SNTB1: variants seen among roughly 807,000 people sequenced by gnomAD.
SNTB1 encodes beta-1-syntrophin.
SNTB1 carries 36 observed loss-of-function variants against 48.9 expected under a neutral mutation model. The ratio of observed to expected loss-of-function variants is 0.74; its 90% CI spans 0.56 to 0.97. The LOEUF is 0.97. Ranked by LOEUF, SNTB1 falls within the 50% of genes least tolerant of loss-of-function variation. The pLI, the probability that SNTB1 is intolerant of heterozygous loss-of-function variation, is 0.00. For synonymous variants in SNTB1, 299 were observed against 294.6 expected, an observed-to-expected ratio of 1.01 and a Z score of -0.15; for missense variants, 786 against 703.4, an observed-to-expected ratio of 1.12 and a Z score of -1.33.
rs185068595 is a variant in SNTB1, at chr8:120,772,990, C to T, written c.571+38283G>A. Among the ~76,000 whole-genome samples the T allele has an allele frequency of 7.9e-5, 12 of 152,220 alleles. 1 individual carries two copies. The highest frequency in any genetic ancestry group is 3.4e-3 in the Middle Eastern group (1 of 294). ...CACAGATCACAGGAGGGAGGTAGTC[C>T]AGTCCCCTATCATTTACATGTCAAC... On this transcript the variant is annotated intron_variant, in intron 1 of 6. Coordinates refer to ENST00000517992, the MANE Select transcript of SNTB1 (RefSeq NM_021021.4).
At chr8:120,739,638 G>A (rs1224140482) in intron 1 of SNTB1, among the ~76,000 whole-genome samples, 1 of 152,032 alleles carries the variant, frequency 6.6e-6, no homozygotes, top group African/African-American at 2.4e-5. Flanking sequence ...AAGGAGAAAG[G>A]GTCAGAAAAG....
In SNTB1 at chr8:120,693,818, C is replaced by T; in HGVS notation, c.662G>A (p.Arg221Gln). ...GWETPPPESP[R>Q]LGGSTSDPPS... is the part of the protein sequence containing the mutation. The stretch of plus-strand genomic sequence containing the variant: ...GGGGTCTGAGGTGCTGCCCCCTAAC[C>T]GAGGGGATTCAGGCGGAGGTGTTTC... The change falls in exon 2 of 7, where the codon CGG becomes CAG. Residue 221 changes from arginine (R) to glutamine (Q), a missense_variant. Transcript: ENST00000517992. 2.5e-6 allele frequency: 4 copies of T among 1,613,996 alleles called. No individual in the cohort carries two copies. The highest frequency in any genetic ancestry group is 1.7e-4 in the Middle Eastern group (1 of 6,060).
intron 3 of SNTB1, among the ~76,000 whole-genome samples, chr8:120,601,240 T>C (rs1248812645): frequency 6.7e-6 from 1 of 149,116 alleles, no homozygotes; most frequent in East Asian, 2.0e-4. Flanking sequence ...GGAGGGGGAG[T>C]GGTCAGCATA....
At chr8:120,755,473 G>A (rs544719855) in intron 1 of SNTB1, among the ~76,000 whole-genome samples, 3 of 152,064 alleles carry the variant, frequency 2.0e-5, no homozygotes, top group South Asian at 4.2e-4. Flanking sequence ...TGGAGGTTAT[G>A]GTAGACAGGT....
intron 1 of SNTB1, among the ~76,000 whole-genome samples, chr8:120,744,055 A>C (rs1473907103): frequency 6.6e-6 from 1 of 150,894 alleles, no homozygotes; most frequent in African/African-American, 2.4e-5. Context: ...GCTTGAGCCT[A>C]GGAGTTTGAG....
intron 1 of SNTB1, chr8:120,769,205 G>C (rs1485241008): frequency 6.6e-6 from 1 of 151,972 alleles, no homozygotes. Context: ...TGTGGCTTTT[G>C]GCACAGTTTT....
At chr8:120,719,970 T>A (rs1818631050) in intron 1 of SNTB1, among the ~76,000 whole-genome samples, 1 of 152,222 alleles carries the variant, frequency 6.6e-6, no homozygotes, top group African/African-American at 2.4e-5. Flanking sequence ...GTCTACATAG[T>A]TCAATTAAAA....
intron 3 of SNTB1, 30 bp from the exon 4 acceptor site, chr8:120,575,255 G>C: frequency 6.2e-7 from 1 of 1,613,876 alleles, no homozygotes; most frequent in Admixed American, 1.7e-5. Flanking sequence ...ACTGTCAAAT[G>C]ACAGCCTGAG....
At chr8:120,728,624 G>T (rs567780487) in intron 1 of SNTB1, among the ~76,000 whole-genome samples, 7 of 152,314 alleles carry the variant, frequency 4.6e-5, no homozygotes, top group African/African-American at 1.7e-4. Context: ...ATTCACTTAG[G>T]ATAATGGCCT....
chr8:120,677,731 T>G (rs1027399287), intron 2 of SNTB1, among the ~76,000 whole-genome samples: 1 of 152,194 alleles, frequency 6.6e-6, no homozygotes, highest in Non-Finnish European at 1.5e-5. Context: ...AGAGATACTA[T>G]CATCCTCATT....
At position 120,551,629 on chromosome 8, in the gene SNTB1, A is replaced by G. The variant is rs554790637; in HGVS notation, c.1137-2671T>C. Among the ~76,000 whole-genome samples the G allele has an allele frequency of 6.9e-3, 1,034 of 150,760 alleles. 12 individuals are homozygous for G. Among genetic ancestry groups the G allele is most frequent in the African/African-American group, 0.024 (971 of 40,976 alleles). ...TAATCCCAGCTACTTGGGAGGCTGA[A>G]GCAGGAGAATTGCTTGAACCCGGGA... On this transcript the variant is annotated intron_variant, in intron 4 of 6. Coordinates refer to ENST00000517992, the MANE Select transcript of SNTB1 (RefSeq NM_021021.4).
intron 2 of SNTB1, among the ~76,000 whole-genome samples, chr8:120,639,937 G>A (rs1483731400): frequency 1.3e-5 from 2 of 151,886 alleles, no homozygotes; most frequent in East Asian, 1.9e-4. Context: ...AGCTTGATGG[G>A]GATGGCATTG....
At chr8:120,783,402 A>AAT (rs1162323736) in intron 1 of SNTB1, among the ~76,000 whole-genome samples, 1 of 152,242 alleles carries the variant, frequency 6.6e-6, no homozygotes, top group African/African-American at 2.4e-5. Flanking sequence ...ATATGCACTG[A>AAT]ATATTATACT....
chr8:120,792,339 A>C, intron 1 of SNTB1, among the ~76,000 whole-genome samples: 1 of 127,398 alleles, frequency 7.8e-6, no homozygotes, highest in Non-Finnish European at 1.6e-5. Context: ...GATATTGGAG[A>C]CTCAGAAAAG....
At chr8:120,697,160 T>C (rs959556681) in intron 1 of SNTB1, among the ~76,000 whole-genome samples, 1 of 152,204 alleles carries the variant, frequency 6.6e-6, no homozygotes, top group Non-Finnish European at 1.5e-5. Flanking sequence ...ATGGGGAGTA[T>C]AGCAAGTCTT....
At position 120,810,974 on chromosome 8, in the gene SNTB1, A is replaced by G. The variant is rs545238360; in HGVS notation, c.571+299T>C. ...CGCAGATAAAAATGAAACAACGTAT[A>G]CTAAGCAGGCAATCCGGCTGGGAAA... On this transcript the variant is annotated intron_variant, in intron 1 of 6. Coordinates refer to ENST00000517992, the MANE Select transcript of SNTB1 (RefSeq NM_021021.4). 3.9e-4 allele frequency among the ~76,000 whole-genome samples: 60 copies of G among 152,338 alleles called. No homozygotes were observed. In the South Asian group the frequency reaches 5.0e-3, roughly 13 times the overall value.
At chr8:120,686,209 A>G (rs1818028129) in intron 2 of SNTB1, among the ~76,000 whole-genome samples, 1 of 152,192 alleles carries the variant, frequency 6.6e-6, no homozygotes, top group South Asian at 2.1e-4. Context: ...CCAGTTCCAA[A>G]ACCACTTCTA....
intron 2 of SNTB1, among the ~76,000 whole-genome samples, chr8:120,669,856 C>G (rs1168205091): frequency 1.3e-5 from 2 of 152,156 alleles, no homozygotes; most frequent in Non-Finnish European, 2.9e-5. Context: ...TACAAATCCC[C>G]AGGTGATGTG....
intron 4 of SNTB1, among the ~76,000 whole-genome samples, chr8:120,553,732 C>A (rs1815519669): frequency 6.6e-6 from 1 of 152,186 alleles, no homozygotes; most frequent in Non-Finnish European, 1.5e-5. Context: ...GACAGGGTGG[C>A]TGAAGCATGT....
Sources: allele counts gnomAD v4.1 joint callset (sites outside exome capture counted in the v4.1 genomes callset), GRCh38; gene constraint gnomAD v4.1.1; transcripts MANE v1.5; gene names NCBI Gene and HGNC (gene_info 2026-07-23, HGNC 2026-07-21).